NMNAT2: variants seen among roughly 807,000 people sequenced by gnomAD.
The protein encoded by NMNAT2 is nicotinamide/nicotinic acid mononucleotide adenylyltransferase 2.
In NMNAT2, 11 loss-of-function variants were observed where a neutral mutation model predicts 41.6. The observed-to-expected ratio is 0.26, with a 90% confidence interval of 0.17 to 0.44. The LOEUF is 0.44. Ranked by LOEUF, NMNAT2 falls within the 20% of genes least tolerant of loss-of-function variation. The pLI is 1.00. For synonymous variants in NMNAT2, 148 were observed against 151.2 expected (o/e 0.98, Z 0.16); for missense variants, 288 against 407.7 (o/e 0.71, Z 2.53).
rs692998 is a variant in NMNAT2, at chr1:183,338,208, T to G, written c.86-44415A>C. ...ATACAGATAGAAAAGTGGGAATAGA[T>G]CTGACAGATCATTAACCGTGAGGCA... On this transcript the variant is annotated intron_variant, in intron 1 of 10. Coordinates refer to ENST00000287713, the MANE Select transcript of NMNAT2 (RefSeq NM_015039.4). 3.4e-5 allele frequency among the ~76,000 whole-genome samples: 5 copies of G among 147,706 alleles called. No homozygotes were observed. In the South Asian group the frequency reaches 1.1e-3, roughly 32 times the overall value.
At chr1:183,400,981 T>C (rs1276032428) in intron 1 of NMNAT2, among the ~76,000 whole-genome samples, 1 of 152,120 alleles carries the variant, frequency 6.6e-6, no homozygotes, top group Non-Finnish European at 1.5e-5. Flanking sequence ...ACCTAGGCAA[T>C]ACCATTCAGG....
chr1:183,274,766 T>TAA (rs34658876), intron 8 of NMNAT2, among the ~76,000 whole-genome samples: 39 of 125,268 alleles, frequency 3.1e-4, no homozygotes, highest in Middle Eastern at 3.9e-3. Flanking sequence ...ACCTTGTCTC[T>TAA]AAAAAAAAAA....
intron 1 of NMNAT2, among the ~76,000 whole-genome samples, chr1:183,404,066 T>C (rs1222418329): frequency 6.6e-6 from 1 of 151,854 alleles, no homozygotes; most frequent in African/African-American, 2.4e-5. Flanking sequence ...CTCACCAAAC[T>C]GATAATAATT....
chr1:183,262,481 G>A (rs574015635), intron 8 of NMNAT2, among the ~76,000 whole-genome samples: 1 of 152,120 alleles, frequency 6.6e-6, no homozygotes, highest in East Asian at 1.9e-4. Context: ...TATATTTTGA[G>A]CATTTTCTTA....
intron 1 of NMNAT2, among the ~76,000 whole-genome samples, chr1:183,405,947 G>A (rs1648943500): frequency 6.6e-6 from 1 of 152,166 alleles, no homozygotes; most frequent in African/African-American, 2.4e-5. Context: ...ACCACGTCTT[G>A]ACAATACACC....
intron 1 of NMNAT2, among the ~76,000 whole-genome samples, chr1:183,365,152 A>G (rs1663389662): frequency 6.6e-6 from 1 of 152,194 alleles, no homozygotes; most frequent in Non-Finnish European, 1.5e-5. Flanking sequence ...GCTGTGAGAA[A>G]GGAAGAAAAT....
At chr1:183,272,430 G>A (rs1661008157) in intron 8 of NMNAT2, among the ~76,000 whole-genome samples, 1 of 152,196 alleles carries the variant, frequency 6.6e-6, no homozygotes, top group African/African-American at 2.4e-5. Context: ...TTACACTTGA[G>A]AGAAACTCGA....
chr1:183,371,151 T>C, intron 1 of NMNAT2, among the ~76,000 whole-genome samples: 1 of 152,198 alleles, frequency 6.6e-6, no homozygotes, highest in East Asian at 1.9e-4. Context: ...ACCTGGGGCA[T>C]TAGACGCACC....
At chr1:183,376,945 A>G (rs555942259) in intron 1 of NMNAT2, among the ~76,000 whole-genome samples, 1 of 151,994 alleles carries the variant, frequency 6.6e-6, no homozygotes, top group Admixed American at 6.5e-5. Context: ...TTCTTCAGGA[A>G]CCCCACCAAG....
intron 3 of NMNAT2, among the ~76,000 whole-genome samples, chr1:183,291,859 G>A (rs1327605426): frequency 1.3e-5 from 2 of 152,148 alleles, no homozygotes; most frequent in Admixed American, 1.3e-4. Context: ...TTTATCTTTA[G>A]GGGGATAAGA....
At chr1:183,379,853 C>A (rs747169446) in intron 1 of NMNAT2, among the ~76,000 whole-genome samples, 1 of 152,190 alleles carries the variant, frequency 6.6e-6, no homozygotes, top group Non-Finnish European at 1.5e-5. Context: ...CAAGGGATTG[C>A]TTGAAAGATA....
At chr1:183,290,805 A>G (rs1010228860) in intron 3 of NMNAT2, 6 of 152,184 alleles carry the variant, frequency 3.9e-5, no homozygotes, top group African/African-American at 1.4e-4. Flanking sequence ...GTGAGACATG[A>G]CAGTCAGATG....
intron 1 of NMNAT2, among the ~76,000 whole-genome samples, chr1:183,417,032 G>C (rs1222198127): frequency 6.6e-6 from 1 of 152,084 alleles, no homozygotes; most frequent in Non-Finnish European, 1.5e-5. Context: ...CCTACTCCTC[G>C]CTTCTCTCAG....
chr1:183,329,750 T>C (rs1280473999), intron 1 of NMNAT2, among the ~76,000 whole-genome samples: 2 of 152,178 alleles, frequency 1.3e-5, no homozygotes, highest in Non-Finnish European at 2.9e-5. Flanking sequence ...CCTGCAGAGA[T>C]GGTTGGTTCC....
intron 1 of NMNAT2, among the ~76,000 whole-genome samples, chr1:183,340,559 G>T (rs918722808): frequency 6.6e-6 from 1 of 151,972 alleles, no homozygotes; most frequent in African/African-American, 2.4e-5. Flanking sequence ...CCTGACCTCG[G>T]GTGATCCGCC....
intron 7 of NMNAT2, among the ~76,000 whole-genome samples, chr1:183,280,714 ATTTTTTTTTGGCGACT>A (rs1214678586): frequency 7.1e-6 from 1 of 140,826 alleles, no homozygotes; most frequent in Non-Finnish European, 1.5e-5. Flanking sequence ...ACATTATGAG[ATTTTTTTTTGGCGACT>A]TTTTTTCTTT....
chr1:183,272,798 C>A (rs918876320), intron 8 of NMNAT2, among the ~76,000 whole-genome samples: 2 of 152,242 alleles, frequency 1.3e-5, no homozygotes, highest in African/African-American at 4.8e-5. Context: ...TCTCCCCAGA[C>A]CCATTTGAAC....
At chr1:183,380,476 T>C (rs1663781235) in intron 1 of NMNAT2, among the ~76,000 whole-genome samples, 1 of 152,168 alleles carries the variant, frequency 6.6e-6, no homozygotes, top group Non-Finnish European at 1.5e-5. Context: ...ATTTTTGTTA[T>C]CCATATAAAG....
rs1273661005 is a variant in NMNAT2, at chr1:183,403,441, C to A, written c.85+14742G>T. On this transcript the variant is annotated intron_variant, in intron 1 of 10. Coordinates refer to ENST00000287713, the MANE Select transcript of NMNAT2 (RefSeq NM_015039.4). ...GGAAGGGACAAGTGAAGAGGAACAA[C>A]CCCCCCCCCCAAAAAAAATGGCACT... Among the ~76,000 whole-genome samples, 8 of 59,796 alleles carry A rather than the reference C, an allele frequency of 1.3e-4. No individual in the cohort carries two copies. In the East Asian group the frequency reaches 2.8e-3, roughly 21 times the overall value. 39.2% of individuals were successfully genotyped at this position (59,796 alleles called of 152,430 possible).
Sources: gnomAD v4.1 joint callset for allele counts (sites outside exome capture counted in the v4.1 genomes callset) on GRCh38, gnomAD v4.1.1 for gene constraint, MANE v1.5 for transcripts, NCBI Gene and HGNC (gene_info 2026-07-23, HGNC 2026-07-21) for gene names.